Variants in CAMTA1 observed in about 807,000 individuals in gnomAD.
CAMTA1 encodes the protein calmodulin binding transcription activator 1, also known as calmodulin-binding transcription activator 1.
In CAMTA1, 27 loss-of-function variants were observed where a neutral mutation model predicts 170.9. That is an observed-to-expected ratio of 0.16 (90% CI 0.12 to 0.22). The LOEUF is 0.22. CAMTA1 is among the 10% of genes least tolerant of loss of function. CAMTA1 has a pLI of 1.00. For synonymous variants in CAMTA1, 833 were observed against 891.5 expected (o/e 0.93, Z 1.17); for missense variants, 1,619 against 2,217.2 (o/e 0.73, Z 5.42).
At chr1:7,695,844 AAT>A (rs2096369979) in intron 11 of CAMTA1, among the ~76,000 whole-genome samples, 1 of 152,192 alleles carries the variant, frequency 6.6e-6, no homozygotes, top group African/African-American at 2.4e-5. Flanking sequence ...CCCTGAACTA[AAT>A]ATGTCAGCTC....
At position 7,435,124 on chromosome 1, in the gene CAMTA1, G is replaced by A. The variant is rs917006626; in HGVS notation, c.439-32706G>A. ...GCTGCCTGAAGCCTTTTTTATAAGGGCCTGAATCCCATTTTGGCAGGAGGA... is the reference window on the plus strand; with the variant it reads ...GCTGCCTGAAGCCTTTTTTATAAGGACCTGAATCCCATTTTGGCAGGAGGA... On this transcript the variant is annotated intron_variant, in intron 5 of 22. Transcript: ENST00000303635. This position sits in a 1 kb window ranked among gnomAD's most constrained non-coding sequence, Gnocchi z 4.4. 2.0e-5 allele frequency among the ~76,000 whole-genome samples: 3 copies of A among 152,128 alleles called. No individual in the cohort carries two copies. Among genetic ancestry groups the A allele is most frequent in the Non-Finnish European group, 4.4e-5 (3 of 68,016 alleles).
At chr1:6,996,528 T>G (rs1353469967) in intron 3 of CAMTA1, among the ~76,000 whole-genome samples, 1 of 152,198 alleles carries the variant, frequency 6.6e-6, no homozygotes, top group African/African-American at 2.4e-5. Context: ...CCTCTGTGGC[T>G]CTTTCCTTTT....
intron 3 of CAMTA1, among the ~76,000 whole-genome samples, chr1:7,046,151 T>C (rs1705347393): frequency 6.6e-6 from 1 of 152,270 alleles, no homozygotes; most frequent in African/African-American, 2.4e-5. Context: ...TGCATATTAA[T>C]AGCAATATTA....
chr1:6,879,284 T>A (rs978097396), intron 3 of CAMTA1, among the ~76,000 whole-genome samples: 1 of 152,242 alleles, frequency 6.6e-6, no homozygotes, highest in African/African-American at 2.4e-5. Context: ...TGTGATGTGC[T>A]GTGAGCGAAG....
chr1:7,152,274 G>A (rs1646620821), intron 4 of CAMTA1, among the ~76,000 whole-genome samples: 1 of 152,168 alleles, frequency 6.6e-6, no homozygotes, highest in Non-Finnish European at 1.5e-5. Flanking sequence ...AAGACTCGAA[G>A]CAGTAGCTCC....
At chr1:7,291,326 A>C (rs546376678) in intron 5 of CAMTA1, among the ~76,000 whole-genome samples, 1 of 152,188 alleles carries the variant, frequency 6.6e-6, no homozygotes, top group East Asian at 1.9e-4. Context: ...GTTAGGGAGA[A>C]CCTAGGCTAT....
intron 6 of CAMTA1, among the ~76,000 whole-genome samples, chr1:7,595,417 G>A (rs1451351105): frequency 1.3e-5 from 2 of 152,188 alleles, no homozygotes; most frequent in Non-Finnish European, 2.9e-5. Context: ...CAGTTCTCCC[G>A]TCTGTAGCAA....
At position 7,652,977 on chromosome 1, in the gene CAMTA1, C is replaced by G. The variant is rs372764974; in HGVS notation, c.665-8749C>G. 9.4e-4 allele frequency among the ~76,000 whole-genome samples: 143 copies of G among 152,348 alleles called. 1 individual carries two copies. Among genetic ancestry groups the G allele is most frequent in the African/African-American group, 3.2e-3 (132 of 41,568 alleles). ...TAAAATGGGATAATATATTCTGCCT[C>G]AAGGGATCACTGGGAGGTTAAAGAT... On this transcript the variant is annotated intron_variant, in intron 7 of 22. Transcript: ENST00000303635.
At chr1:7,204,830 C>CTTTTTTTTTTTTTTTTTTTTTTT (rs367812076) in intron 4 of CAMTA1, among the ~76,000 whole-genome samples, 2 of 86,806 alleles carry the variant, frequency 2.3e-5, no homozygotes, top group Admixed American at 1.4e-4. Flanking sequence ...TTCTTTTTTT[C>CTTTTTTTTTTTTTTTTTTTTTTT]TTTTTTTTTT....
intron 6 of CAMTA1, among the ~76,000 whole-genome samples, chr1:7,499,821 CATGCATATGTAT>C: frequency 8.2e-6 from 1 of 121,720 alleles, no homozygotes; most frequent in East Asian, 2.8e-4. Context: ...GCCTGGTGTG[CATGCATATGTAT>C]GTGTGTGTGC....
At chr1:7,425,506 T>C (rs967675565) in intron 5 of CAMTA1, among the ~76,000 whole-genome samples, 2 of 152,182 alleles carry the variant, frequency 1.3e-5, no homozygotes, top group African/African-American at 4.8e-5. Flanking sequence ...GCCAGGGTCC[T>C]TCAGAGCAGC....
chr1:7,661,958 T>G lies in CAMTA1; in HGVS notation c.805+92T>G, dbSNP rs994197299. On this transcript the variant is annotated intron_variant, in intron 8 of 22. Coordinates refer to ENST00000303635, the MANE Select transcript of CAMTA1 (RefSeq NM_015215.4). ...TGGCTGTCCTCTGTGGGAGTAGCCA[T>G]GACATCTAGTGAGGGAGGAGGGGGA... The G allele has an allele frequency of 4.3e-5, 60 of 1,401,800 alleles. No homozygotes were observed. In the East Asian group the frequency reaches 1.4e-3, roughly 34 times the overall value. 86.8% of individuals were successfully genotyped at this position (1,401,800 alleles called of 1,614,324 possible). A position where few individuals can be genotyped will look rare whatever the true frequency, so the allele number is the denominator to read the frequency against.
intron 3 of CAMTA1, among the ~76,000 whole-genome samples, chr1:6,878,567 G>C (rs1181724064): frequency 6.6e-6 from 1 of 152,196 alleles, no homozygotes; most frequent in East Asian, 1.9e-4. Context: ...TGACCTTAAT[G>C]GTCAATTGAG....
intron 5 of CAMTA1, among the ~76,000 whole-genome samples, chr1:7,316,566 C>T (rs55764631): frequency 0.015 from 2,308 of 152,284 alleles, 61 homozygotes; most frequent in African/African-American, 0.053. Flanking sequence ...GAATCCTTTC[C>T]AGGTGGCTGT....
chr1:7,389,472 C>A (rs933623076), intron 5 of CAMTA1: 4 of 152,198 alleles, frequency 2.6e-5, no homozygotes, highest in Non-Finnish European at 5.9e-5. Context: ...GGAGTGGCTC[C>A]CTGGCAGGAA....
At chr1:7,015,392 C>T (rs544948407) in intron 3 of CAMTA1, among the ~76,000 whole-genome samples, 3 of 152,318 alleles carry the variant, frequency 2.0e-5, no homozygotes, top group South Asian at 2.1e-4. Flanking sequence ...CTGCTCTTCC[C>T]CCTGTCCAGG....
intron 5 of CAMTA1, among the ~76,000 whole-genome samples, chr1:7,272,674 C>A (rs1574350081): frequency 2.4e-5 from 1 of 40,824 alleles, no homozygotes; most frequent in African/African-American, 8.1e-5. Context: ...GGTTCTGGGG[C>A]AACTGGATAA....
rs11120940 is a variant in CAMTA1 at position 7,466,599 on chromosome 1, G to A, written c.439-1231G>A. 4.4e-3 allele frequency among the ~76,000 whole-genome samples: 675 copies of A among 152,254 alleles called. 4 individuals carry two copies. The highest frequency in any genetic ancestry group is 0.015 in the African/African-American group (608 of 41,546). ...CTCTGGAGAGCTGGTTCAAGGGTAT[G>A]GGGACAACAGTGAGATTAAAATGAG... On this transcript the variant is annotated intron_variant, in intron 5 of 22. Transcript: ENST00000303635.
chr1:6,858,380 C>T (rs1663224880), intron 3 of CAMTA1, among the ~76,000 whole-genome samples: 1 of 148,364 alleles, frequency 6.7e-6, no homozygotes, highest in Admixed American at 6.8e-5. Flanking sequence ...GATTACATAT[C>T]ACTTTGTATA....
Sources: allele counts gnomAD v4.1 joint callset (sites outside exome capture counted in the v4.1 genomes callset), GRCh38; gene constraint gnomAD v4.1.1; non-coding constraint Gnocchi (gnomAD v3.1); transcripts MANE v1.5; gene names NCBI Gene and HGNC (gene_info 2026-07-23, HGNC 2026-07-21).